Variants in CTNNA3 observed in about 807,000 individuals in gnomAD.
The protein encoded by CTNNA3 is catenin alpha 3, also known as catenin alpha-3.
A neutral mutation model predicts 95.7 loss-of-function variants in CTNNA3; 76 were observed. The ratio of observed to expected loss-of-function variants is 0.79; its 90% CI spans 0.66 to 0.96. CTNNA3 has a LOEUF of 0.96. CTNNA3 is among the 40% of genes least tolerant of loss of function. CTNNA3 has a pLI of 0.00. For missense variants in CTNNA3, 1,191 were observed against 1,089.8 expected (o/e 1.09, Z -1.31); for synonymous variants, 431 against 374.4 (o/e 1.15, Z -1.74).
intron 7 of CTNNA3, among the ~76,000 whole-genome samples, chr10:67,110,623 G>A (rs7091417): frequency 0.19 from 28,866 of 151,922 alleles, 4,705 homozygotes; most frequent in African/African-American, 0.45. Flanking sequence ...TCTTTCCTTT[G>A]CAGGTTTGTA....
chr10:65,988,282 T>G (rs1050570798), intron 16 of CTNNA3, among the ~76,000 whole-genome samples: 5 of 152,092 alleles, frequency 3.3e-5, no homozygotes, highest in Non-Finnish European at 5.9e-5. Flanking sequence ...GAAATATATG[T>G]ACTCTACAAA....
intron 7 of CTNNA3, among the ~76,000 whole-genome samples, chr10:66,908,742 C>CGG (rs1253147142): frequency 1.2e-4 from 18 of 152,060 alleles, no homozygotes; most frequent in Non-Finnish European, 2.5e-4. Context: ...TCAGGTTTTT[C>CGG]CCCTGTAAGT....
chr10:66,978,960 C>CTT (rs34112681), intron 7 of CTNNA3, among the ~76,000 whole-genome samples: 982 of 83,698 alleles, frequency 0.012, no homozygotes, highest in African/African-American at 0.015. Flanking sequence ...TACTTATTTC[C>CTT]TTTTTTTTTT....
At chr10:66,143,467 T>C (rs748512631) in intron 13 of CTNNA3, among the ~76,000 whole-genome samples, 21 of 152,126 alleles carry the variant, frequency 1.4e-4, no homozygotes, top group Admixed American at 7.2e-4. Context: ...TCGTCAAATA[T>C]ATCATCCCTC....
intron 5 of CTNNA3, among the ~76,000 whole-genome samples, chr10:67,437,780 A>G (rs915397102): frequency 1.3e-5 from 2 of 151,802 alleles, no homozygotes; most frequent in Admixed American, 6.6e-5. Context: ...GAGCTGTTTT[A>G]GCTAACTTTC....
intron 7 of CTNNA3, among the ~76,000 whole-genome samples, chr10:67,173,848 T>C (rs1589822173): frequency 6.6e-6 from 1 of 152,194 alleles, no homozygotes; most frequent in African/African-American, 2.4e-5. Context: ...GGAACCCACT[T>C]CTTGGGAAAG....
At chr10:66,505,672 T>G (rs1297039276) in intron 11 of CTNNA3, among the ~76,000 whole-genome samples, 1 of 152,142 alleles carries the variant, frequency 6.6e-6, no homozygotes, top group Non-Finnish European at 1.5e-5. Context: ...ACATCTTGAA[T>G]GTGTCAGTCA....
chr10:66,370,648 T>C (rs7912277), intron 12 of CTNNA3, among the ~76,000 whole-genome samples: 4,725 of 152,176 alleles, frequency 0.031, 238 homozygotes, highest in African/African-American at 0.1. Context: ...GCAGAGCCTC[T>C]GATCCCCTCG....
At chr10:67,377,450 T>C (rs952665964) in intron 5 of CTNNA3, among the ~76,000 whole-genome samples, 2 of 152,196 alleles carry the variant, frequency 1.3e-5, no homozygotes, top group Non-Finnish European at 2.9e-5. Context: ...TTTTCTATTA[T>C]AAACTTGAAT....
chr10:67,696,524 C>G (rs943491003), upstream of CTNNA3, among the ~76,000 whole-genome samples: 5 of 152,170 alleles, frequency 3.3e-5, no homozygotes, highest in Admixed American at 3.3e-4. Flanking sequence ...ATGATGGCAT[C>G]AAGGCCATGT....
chr10:66,670,783 A>G (rs1399158315), intron 9 of CTNNA3, among the ~76,000 whole-genome samples: 2 of 152,236 alleles, frequency 1.3e-5, no homozygotes, highest in African/African-American at 4.8e-5. Context: ...TTGCAGAGAC[A>G]TCTGAATTCT....
chr10:67,622,843 T>C (rs1328931454), intron 2 of CTNNA3, among the ~76,000 whole-genome samples: 2 of 152,214 alleles, frequency 1.3e-5, no homozygotes, highest in African/African-American at 4.8e-5. Flanking sequence ...TCTTAAACTT[T>C]AAAACATTAC....
intron 7 of CTNNA3, among the ~76,000 whole-genome samples, chr10:66,947,151 C>G (rs7916590): frequency 0.65 from 99,510 of 151,932 alleles, 33,632 homozygotes; most frequent in East Asian, 0.97. Context: ...AAAAAACTTG[C>G]ATAAACTACT....
At chr10:66,282,689 A>G (rs12784842) in intron 12 of CTNNA3, among the ~76,000 whole-genome samples, 36,791 of 151,630 alleles carry the variant, frequency 0.24, 4,664 homozygotes, top group South Asian at 0.3. Flanking sequence ...CATTTTAAGT[A>G]TAATCTTATG....
chr10:66,906,372 A>G (rs1377710978), intron 7 of CTNNA3, among the ~76,000 whole-genome samples: 1 of 152,174 alleles, frequency 6.6e-6, no homozygotes, highest in Non-Finnish European at 1.5e-5. Context: ...GGAAAATTTT[A>G]AGCCATATCA....
At chr10:67,084,241 A>T (rs1396083117) in intron 7 of CTNNA3, among the ~76,000 whole-genome samples, 1 of 152,024 alleles carries the variant, frequency 6.6e-6, no homozygotes, top group Non-Finnish European at 1.5e-5. Flanking sequence ...AGTTATCCTC[A>T]AATGGTTGGC....
intron 5 of CTNNA3, among the ~76,000 whole-genome samples, chr10:67,249,041 T>C (rs10762155): frequency 0.24 from 35,800 of 151,998 alleles, 7,087 homozygotes; most frequent in African/African-American, 0.54. Context: ...TAGATGGCAA[T>C]TTATTAGATA....
chr10:66,973,634 A>C (rs1849855337), intron 7 of CTNNA3, among the ~76,000 whole-genome samples: 1 of 152,114 alleles, frequency 6.6e-6, no homozygotes, highest in South Asian at 2.1e-4. Flanking sequence ...TAAATTACTT[A>C]TTTTGTTTCA....
At chr10:66,751,028 G>C (rs968982719) in intron 9 of CTNNA3, among the ~76,000 whole-genome samples, 1 of 152,062 alleles carries the variant, frequency 6.6e-6, no homozygotes, top group Non-Finnish European at 1.5e-5. Context: ...CCAGCACTTT[G>C]GGAGGCCAAG....
Sources: gnomAD v4.1 joint callset for allele counts (sites outside exome capture counted in the v4.1 genomes callset) on GRCh38, gnomAD v4.1.1 for gene constraint, MANE v1.5 for transcripts, NCBI Gene and HGNC (gene_info 2026-07-23, HGNC 2026-07-21) for gene names.